MYL4: variants seen among roughly 807,000 people sequenced by gnomAD.
MYL4 encodes the protein myosin light chain 4, also known as atrial myosin light chain 1.
In MYL4, 16 loss-of-function variants were observed where a neutral mutation model predicts 21.6. That is an observed-to-expected ratio of 0.74 (90% CI 0.50 to 1.12). The LOEUF (loss-of-function observed/expected upper bound fraction) is 1.12. MYL4 is among the 50% of genes most tolerant of loss of function. The probability of loss-of-function intolerance (pLI) is 0.00; values close to 1 mark genes in which losing one functional copy is unlikely to be tolerated. For synonymous variants in MYL4, 82 were observed against 95.7 expected (o/e 0.86, Z 0.83); for missense variants, 249 against 252.9 (o/e 0.98, Z 0.11).
intron 2 of MYL4, among the ~76,000 whole-genome samples, chr17:47,216,689 C>CT (rs2064816975): frequency 6.8e-6 from 1 of 147,386 alleles, no homozygotes. Context: ...TCTTTTTTTT[C>CT]TTTTTCTTTC....
upstream of MYL4, among the ~76,000 whole-genome samples, chr17:47,196,924 C>T (rs1598645391): frequency 6.6e-6 from 1 of 151,724 alleles, no homozygotes; most frequent in Admixed American, 6.6e-5. Context: ...ATATTTCGCT[C>T]TTGTTTCGTT....
chr17:47,190,068 G>A, the MYL4 span, among the ~76,000 whole-genome samples: 2 of 152,168 alleles, frequency 1.3e-5, no homozygotes, highest in African/African-American at 4.8e-5. Flanking sequence ...GGATCAGTCT[G>A]CTAAGAAGGC....
intron 1 of MYL4, among the ~76,000 whole-genome samples, chr17:47,210,569 C>G (rs550318265): frequency 6.6e-6 from 1 of 152,074 alleles, no homozygotes; most frequent in African/African-American, 2.4e-5. Context: ...GGGATCAGGT[C>G]AAAATAAGAG....
At chr17:47,201,126 G>A (rs1034792521) in intron 1 of MYL4, among the ~76,000 whole-genome samples, 9 of 152,204 alleles carry the variant, frequency 5.9e-5, no homozygotes, top group Admixed American at 3.3e-4. Flanking sequence ...AAGAGATCGA[G>A]CCACTGCACT....
intron 4 of MYL4, 24 bp downstream of exon 4, chr17:47,221,879 A>G (rs1347796107): frequency 1.2e-6 from 2 of 1,604,160 alleles, no homozygotes; most frequent in African/African-American, 2.7e-5. Flanking sequence ...GCAGAGATGA[A>G]GACCAAGTGG....
chr17:47,217,026 C>T (rs2064820409), intron 2 of MYL4, among the ~76,000 whole-genome samples: 1 of 152,198 alleles, frequency 6.6e-6, no homozygotes, highest in Non-Finnish European at 1.5e-5. Flanking sequence ...GAGACTTCCT[C>T]TTTTGTTAAA....
intron 1 of MYL4, among the ~76,000 whole-genome samples, chr17:47,212,200 G>A (rs1567746123): frequency 6.6e-6 from 1 of 152,104 alleles, no homozygotes; most frequent in Non-Finnish European, 1.5e-5. Context: ...TGGGTGACAA[G>A]TGCGAAACTC....
At chr17:47,200,816 C>G (rs2064706571) in intron 1 of MYL4, among the ~76,000 whole-genome samples, 2 of 152,170 alleles carry the variant, frequency 1.3e-5, no homozygotes, top group Admixed American at 1.3e-4. Context: ...AGTGATGAGG[C>G]TGAACATATA....
At chr17:47,220,685 C>T (rs1426952280) in intron 3 of MYL4, among the ~76,000 whole-genome samples, 1 of 152,148 alleles carries the variant, frequency 6.6e-6, no homozygotes, top group Non-Finnish European at 1.5e-5. Flanking sequence ...TGTTCATACT[C>T]ATGTGAGCTG....
intron 1 of MYL4, among the ~76,000 whole-genome samples, chr17:47,203,649 G>T (rs1396708365): frequency 1.3e-5 from 2 of 152,088 alleles, no homozygotes; most frequent in African/African-American, 4.8e-5. Flanking sequence ...TCCATCTGTT[G>T]TCATATTTCC....
intron 6 of MYL4, 115 bp from the exon 7 acceptor site, chr17:47,223,394 T>C: frequency 3.7e-6 from 1 of 272,912 alleles, no homozygotes; most frequent in Non-Finnish European, 6.8e-6. Flanking sequence ...CCTGTGCTCT[T>C]GACCCCGTTC....
chr17:47,208,576 C>CACAT (rs1342487919), upstream of MYL4, among the ~76,000 whole-genome samples: 3 of 151,896 alleles, frequency 2.0e-5, no homozygotes, highest in African/African-American at 7.3e-5. Flanking sequence ...CACACACACA[C>CACAT]ACACACACAC....
chr17:47,211,341 C>A (rs2064773699), intron 1 of MYL4, among the ~76,000 whole-genome samples: 1 of 151,948 alleles, frequency 6.6e-6, no homozygotes, highest in Non-Finnish European at 1.5e-5. Flanking sequence ...TGAGGCCAGG[C>A]ATTTGAGTCC....
At chr17:47,208,410 A>G (rs754072441), upstream of MYL4, among the ~76,000 whole-genome samples, 9 of 152,188 alleles carry the variant, frequency 5.9e-5, no homozygotes, top group Non-Finnish European at 1.3e-4. Context: ...CTGCAACCTG[A>G]GCAACAGAGC....
intron 2 of MYL4, among the ~76,000 whole-genome samples, chr17:47,216,339 A>C (rs563037068): frequency 5.3e-5 from 8 of 150,732 alleles, no homozygotes; most frequent in African/African-American, 1.9e-4. Context: ...TGTAGTCCTA[A>C]ACTTCAGTGT....
At chr17:47,213,871 T>G in intron 2 of MYL4, 45 bp downstream of exon 2, 1 of 1,597,330 alleles carries the variant, frequency 6.3e-7, no homozygotes, top group Non-Finnish European at 8.6e-7. Context: ...TGCACTTTCC[T>G]GGAGGAGGAG....
At chr17:47,227,309 A>G (rs143134391), downstream of MYL4, among the ~76,000 whole-genome samples, 17 of 152,270 alleles carry the variant, frequency 1.1e-4, no homozygotes, top group East Asian at 3.1e-3. Flanking sequence ...GCCCATAACT[A>G]AGGTTTGGCA....
At chr17:47,189,704 C>T in the MYL4 span, among the ~76,000 whole-genome samples, 2 of 152,232 alleles carry the variant, frequency 1.3e-5, no homozygotes, top group Admixed American at 6.5e-5. Flanking sequence ...TTGGGGCTGT[C>T]TTTAATGAAT....
chr17:47,198,459 TTC>T (rs2064697615), upstream of MYL4, among the ~76,000 whole-genome samples: 1 of 152,216 alleles, frequency 6.6e-6, no homozygotes, highest in Admixed American at 6.5e-5. Context: ...GATTATTTGC[TTC>T]TCTCTTTTCT....
Sources: gnomAD v4.1 joint callset for allele counts (sites outside exome capture counted in the v4.1 genomes callset) on GRCh38, gnomAD v4.1.1 for gene constraint, MANE v1.5 for transcripts, NCBI Gene and HGNC (gene_info 2026-07-23, HGNC 2026-07-21) for gene names.